Variants in FBN2 observed in about 807,000 individuals in gnomAD.
The protein encoded by FBN2 is fibrillin 2.
A neutral mutation model predicts 355.6 loss-of-function variants in FBN2; 105 were observed. That is an observed-to-expected ratio of 0.30 (90% CI 0.25 to 0.35). FBN2 has a LOEUF of 0.35. FBN2 is among the 10% of genes least tolerant of loss of function. The pLI is 1.00. For missense variants in FBN2, 3,280 were observed against 3,758.7 expected (o/e 0.87, Z 3.33); for synonymous variants, 1,350 against 1,301.2 (o/e 1.04, Z -0.81).
At chr5:128,392,256 A>T in intron 10 of FBN2, 101 bp from the exon 11 acceptor site, 1 of 953,928 alleles carries the variant, frequency 1.0e-6, no homozygotes, top group East Asian at 2.6e-5. Flanking sequence ...AATTAGATGT[A>T]TATCAGAAGC....
chr5:128,444,276 G>A (rs1448098213), intron 7 of FBN2, among the ~76,000 whole-genome samples: 3 of 151,564 alleles, frequency 2.0e-5, no homozygotes, highest in African/African-American at 7.3e-5. Context: ...GTTTCACCTT[G>A]TTAGCCAGGA....
chr5:128,310,390 A>G (rs1434661166), intron 39 of FBN2, among the ~76,000 whole-genome samples: 67 of 30,016 alleles, frequency 2.2e-3, no homozygotes, highest in African/African-American at 8.6e-3. Flanking sequence ...ATATATATAT[A>G]TATATATATA....
chr5:128,510,151 G>T (rs1235320812), intron 5 of FBN2, among the ~76,000 whole-genome samples: 1 of 152,092 alleles, frequency 6.6e-6, no homozygotes, highest in African/African-American at 2.4e-5. Context: ...TTCTCACCCC[G>T]TAGCACAGGA....
Position 128,287,444 on chromosome 5 carries a change from T to C in FBN2, c.6758-14A>G, listed in dbSNP as rs757283004. ...ATTCGTTGATATCTGACCAAAGGAA[T>C]GGACAGGAATGTGCTCAGCCTAGAG... On this transcript the variant is annotated splice_polypyrimidine_tract_variant and intron_variant, in intron 53 of 64. Transcript: ENST00000262464. 3.7e-6 allele frequency: 6 copies of C among 1,613,470 alleles called. No homozygotes were observed. Among genetic ancestry groups the C allele is most frequent in the Non-Finnish European group, 5.1e-6 (6 of 1,179,656 alleles).
chr5:128,479,144 A>T (rs1318431532), intron 5 of FBN2, among the ~76,000 whole-genome samples: 1 of 152,200 alleles, frequency 6.6e-6, no homozygotes, highest in Non-Finnish European at 1.5e-5. Context: ...TAACACTCAA[A>T]CTTTCTTAGC....
At chr5:128,312,901 A>G (rs954543025) in intron 36 of FBN2, 106 bp from the exon 37 acceptor site, 1 of 1,242,114 alleles carries the variant, frequency 8.1e-7, no homozygotes. Flanking sequence ...GTACGTTAAC[A>G]TGAAAGGTTC....
intron 7 of FBN2, among the ~76,000 whole-genome samples, chr5:128,431,477 G>C (rs1424990332): frequency 6.6e-6 from 1 of 152,140 alleles, no homozygotes; most frequent in Non-Finnish European, 1.5e-5. Flanking sequence ...AACATGTACT[G>C]TCGCCATAAC....
chr5:128,361,523 G>C (rs989442347), intron 19 of FBN2, among the ~76,000 whole-genome samples, 200 bp downstream of exon 19: 1 of 152,176 alleles, frequency 6.6e-6, no homozygotes, highest in Non-Finnish European at 1.5e-5. Flanking sequence ...TATTTTGTCT[G>C]AGTGGAACAA....
At chr5:128,402,999 T>C (rs1752835782) in intron 8 of FBN2, among the ~76,000 whole-genome samples, 1 of 152,204 alleles carries the variant, frequency 6.6e-6, no homozygotes. Flanking sequence ...TCTAACACAC[T>C]TCTTCCTTTC....
Position 128,361,748 on chromosome 5 carries a change from G to T in FBN2, c.2529C>A (p.Phe843Leu). Reference sequence around the variant, plus strand: ...CTTCACAGGTCTCTGTCTCAGTCCTGAACACATACCCTGGTGGGCACGTAC... The same window carrying T: ...CTTCACAGGTCTCTGTCTCAGTCCTTAACACATACCCTGGTGGGCACGTAC... ...YSCTCPPGYV[F>L]RTETETCEDI... The change falls in exon 19 of 65, where the codon TTC becomes TTA. Residue 843 changes from phenylalanine to leucine, a missense_variant. Coordinates refer to ENST00000262464, the MANE Select transcript of FBN2 (RefSeq NM_001999.4). 6.2e-7 allele frequency: 1 copy of T among 1,614,100 alleles called. No homozygotes were observed. Among genetic ancestry groups the T allele is most frequent in the South Asian group, 1.1e-5 (1 of 91,066 alleles).
chr5:128,323,158 C>T (rs930323308), intron 34 of FBN2, among the ~76,000 whole-genome samples: 4 of 152,112 alleles, frequency 2.6e-5, no homozygotes, highest in Non-Finnish European at 5.9e-5. Context: ...AGATTTTGGG[C>T]CGAGATGATG....
intron 48 of FBN2, among the ~76,000 whole-genome samples, chr5:128,297,075 C>T (rs1749542954): frequency 6.6e-6 from 1 of 152,122 alleles, no homozygotes. Context: ...ATCTTTATTT[C>T]TGCCTTCATT....
intron 5 of FBN2, 50 bp downstream of exon 5, chr5:128,519,223 T>C (rs1341035776): frequency 7.8e-7 from 1 of 1,288,410 alleles, no homozygotes; most frequent in Admixed American, 1.7e-5. Context: ...TATACATTTT[T>C]ACAATAAAAT....
intron 7 of FBN2, among the ~76,000 whole-genome samples, chr5:128,412,349 C>T (rs1398101588): frequency 6.6e-6 from 1 of 152,156 alleles, no homozygotes; most frequent in East Asian, 1.9e-4. Context: ...GACTGGGACA[C>T]CTAGTGGAAG....
intron 50 of FBN2, 134 bp downstream of exon 50, chr5:128,290,598 T>C (rs1749294541): frequency 3.3e-6 from 3 of 915,408 alleles, no homozygotes; most frequent in African/African-American, 1.6e-5. Context: ...GGTTGTTCAA[T>C]GAACCATCAA....
chr5:128,259,662 G>A lies in FBN2; in HGVS notation c.8532C>T (p.Val2844=), dbSNP rs1434770698. The A allele has an allele frequency of 1.2e-6, 2 of 1,613,974 alleles. No individual in the cohort carries two copies. The highest frequency in any genetic ancestry group is 1.3e-5 in the African/African-American group (1 of 74,912). ...YVISQGNDDS[V]FRIHQRNGLS... ...GCCCATTCCTTTGGTGGATGCGGAA[G>A]ACGCTGTCATCGTTCCCTTGAGAGA... The change falls in exon 65 of 65, where the codon GTC becomes GTT. Residue 2844 remains valine, a synonymous_variant. Transcript: ENST00000262464.
rs563464355 is a variant in FBN2 at position 128,391,789 on chromosome 5, G to C, written c.1603+229C>G. On this transcript the variant is annotated intron_variant, in intron 11 of 64. Transcript: ENST00000262464. ...TAAGGAGAATGGAAAGGGAGAGTCA[G>C]AGACAGAAATCACAATATTTAGGAC... Among the ~76,000 whole-genome samples, 8 of 152,216 alleles carry C rather than the reference G, an allele frequency of 5.3e-5. No homozygotes were observed. In the South Asian group the frequency reaches 1.2e-3, roughly 24 times the overall value.
Position 128,302,999 on chromosome 5 carries a change from T to G in FBN2, c.5891A>C (p.Glu1964Ala). 6.2e-7 allele frequency: 1 copy of G among 1,604,578 alleles called. No homozygotes were observed. Residue 1964 changes from glutamate to alanine, a missense_variant, in exon 46 of 65, where the codon GAA becomes GCA. This residue lies in a region of FBN2 where 2,284 missense variants were observed against 2,749.5 expected (regional missense o/e 0.83). Transcript: ENST00000262464. ...SYNCLCYPGF[E>A]LTHNNDCLDI... ...CAGGCAATCATTATTATGAGTGAGT[T>G]CAAACCCTGGGTAGCACAGACAGTT...
intron 19 of FBN2, among the ~76,000 whole-genome samples, chr5:128,361,037 C>G (rs1751626308): frequency 6.6e-6 from 1 of 152,168 alleles, no homozygotes; most frequent in Non-Finnish European, 1.5e-5. Flanking sequence ...GATACAAAAA[C>G]ATAATTCAGT....
Sources: gnomAD v4.1 joint callset for allele counts (sites outside exome capture counted in the v4.1 genomes callset) on GRCh38, gnomAD v4.1.1 for gene constraint, gnomAD v4.1.1 regional missense constraint, MANE v1.5 for transcripts, NCBI Gene and HGNC (gene_info 2026-07-23, HGNC 2026-07-21) for gene names.